The following RYR2 variants were observed in gnomAD, a reference collection of about 807,000 sequenced individuals.
RYR2 encodes the protein cardiac muscle ryanodine receptor-calcium release channel.
Under a neutral mutation model 601.1 loss-of-function variants are expected in RYR2, and 227 were observed. The observed-to-expected ratio is 0.38, with a 90% CI of 0.34 to 0.42. The LOEUF (loss-of-function observed/expected upper bound fraction) is 0.42. Ranked by LOEUF, RYR2 falls within the 10% of genes least tolerant of loss-of-function variation. The pLI is 1.00. For missense variants in RYR2, 4,646 were observed against 6,156.5 expected, an observed-to-expected ratio of 0.75 and a Z score of 8.21; for synonymous variants, 2,223 against 2,175.1, an observed-to-expected ratio of 1.02 and a Z score of -0.61.
intron 80 of RYR2, among the ~76,000 whole-genome samples, chr1:237,753,730 A>C (rs1162266566): frequency 6.6e-6 from 1 of 152,228 alleles, no homozygotes; most frequent in Non-Finnish European, 1.5e-5. Context: ...AGCCTTAGGC[A>C]GTTTAAGCAG....
At chr1:237,310,791 G>T (rs890739270) in intron 2 of RYR2, among the ~76,000 whole-genome samples, 2 of 152,058 alleles carry the variant, frequency 1.3e-5, no homozygotes, top group South Asian at 2.1e-4. Flanking sequence ...TCCAAAATAG[G>T]TAAGAAAGAA....
rs563473885 is a variant in RYR2 at position 237,331,687 on chromosome 1, T to C, written c.273+705T>C. On this transcript the variant is annotated intron_variant, in intron 3 of 104. Coordinates refer to ENST00000366574, the MANE Select transcript of RYR2 (RefSeq NM_001035.3). ...CACCTGGCTATTTTTTTTTTTTTTT[T>C]CTATTTTTAGTAGAGACGGGGTTTC... is the stretch of plus-strand genomic sequence containing the variant. Among the ~76,000 whole-genome samples the C allele has an allele frequency of 3.6e-5, 5 of 140,182 alleles. No individual in the cohort carries two copies. The East Asian group carries it at 6.2e-4, about 17-fold the overall frequency. 92.0% of individuals were successfully genotyped at this position (140,182 alleles called of 152,430 possible). A position where few individuals can be genotyped will look rare whatever the true frequency, so the allele number is the denominator to read the frequency against.
At chr1:237,573,889 C>T (rs541228304) in intron 29 of RYR2, among the ~76,000 whole-genome samples, 1 of 152,096 alleles carries the variant, frequency 6.6e-6, no homozygotes, top group East Asian at 2.0e-4. Flanking sequence ...ATAGGGACTG[C>T]AGCAGCCCTC....
At chr1:237,478,156 C>T (rs1327418704) in intron 17 of RYR2, among the ~76,000 whole-genome samples, 6 of 152,196 alleles carry the variant, frequency 3.9e-5, no homozygotes. Flanking sequence ...ACTGACTCAT[C>T]AGAAATGGCA....
chr1:237,561,332 A>T (rs1372247258), intron 27 of RYR2, among the ~76,000 whole-genome samples: 4 of 152,206 alleles, frequency 2.6e-5, no homozygotes, highest in African/African-American at 9.7e-5. Context: ...CATAGTAGGG[A>T]TGCAAGTGAT....
chr1:237,146,509 A>G (rs1395035794), intron 1 of RYR2, among the ~76,000 whole-genome samples: 1 of 152,200 alleles, frequency 6.6e-6, no homozygotes, highest in Non-Finnish European at 1.5e-5. Context: ...TGCTTGGAGT[A>G]AACAATTCCC....
intron 1 of RYR2, among the ~76,000 whole-genome samples, chr1:237,063,476 T>C (rs756738689): frequency 1.3e-5 from 2 of 152,236 alleles, no homozygotes; most frequent in Admixed American, 1.3e-4. Flanking sequence ...AGTATCTACC[T>C]TAAATGAATA....
At chr1:237,526,980 A>G (rs1667655674) in intron 24 of RYR2, among the ~76,000 whole-genome samples, 1 of 152,154 alleles carries the variant, frequency 6.6e-6, no homozygotes, top group East Asian at 1.9e-4. Context: ...ATTTTTGTAC[A>G]TGGTGAGAGA....
In RYR2 at chr1:237,423,815, T is replaced by C. The variant is rs530111149; in HGVS notation, c.1005+567T>C. Among the ~76,000 whole-genome samples the C allele has an allele frequency of 9.2e-5, 14 of 152,334 alleles. 1 individual carries two copies. The South Asian group carries it at 2.7e-3, about 29-fold the overall frequency. On this transcript the variant is annotated intron_variant, in intron 12 of 104. Transcript: ENST00000366574. ...TGAATCATTTTTATGATAATTGCTA[T>C]ATTCGTCCATTTTCACAGTGCTATA...
At chr1:237,608,463 G>A (rs1276397669) in intron 35 of RYR2, among the ~76,000 whole-genome samples, 1 of 152,130 alleles carries the variant, frequency 6.6e-6, no homozygotes, top group Non-Finnish European at 1.5e-5. Context: ...AGCACTTTGG[G>A]AGGAAGGAGG....
chr1:237,629,146 C>T (rs1168064575), intron 41 of RYR2, among the ~76,000 whole-genome samples: 2 of 152,116 alleles, frequency 1.3e-5, no homozygotes, highest in Non-Finnish European at 2.9e-5. Context: ...GAGTATACTA[C>T]TGATTTATAC....
intron 71 of RYR2, among the ~76,000 whole-genome samples, chr1:237,716,055 A>G (rs1186419807): frequency 2.6e-5 from 4 of 152,144 alleles, no homozygotes; most frequent in South Asian, 2.1e-4. Context: ...GAACAGAAGT[A>G]TAATTCTTAC....
intron 1 of RYR2, among the ~76,000 whole-genome samples, chr1:237,175,953 C>T (rs1162510509): frequency 6.6e-6 from 1 of 152,082 alleles, no homozygotes; most frequent in Non-Finnish European, 1.5e-5. Context: ...TTTTCTGGGC[C>T]AGGCGCGGTG....
At chr1:237,744,625 C>T (rs1410190513) in intron 80 of RYR2, among the ~76,000 whole-genome samples, 1 of 151,604 alleles carries the variant, frequency 6.6e-6, no homozygotes, top group African/African-American at 2.4e-5. Flanking sequence ...CATTGCACTC[C>T]AGCCTGGGCG....
At chr1:237,383,414 C>CTTTTTTTTTTTTTTTT (rs1558724426) in intron 8 of RYR2, among the ~76,000 whole-genome samples, 3 of 64,786 alleles carry the variant, frequency 4.6e-5, no homozygotes, top group Non-Finnish European at 6.8e-5. Context: ...TTTCTTTTTT[C>CTTTTTTTTTTTTTTTT]TTGTTTTTTT....
intron 41 of RYR2, among the ~76,000 whole-genome samples, chr1:237,628,907 C>A (rs973696004): frequency 6.6e-6 from 1 of 151,902 alleles, no homozygotes; most frequent in African/African-American, 2.4e-5. Flanking sequence ...GTAGGGGGAA[C>A]AAATTTTCTG....
chr1:237,638,166 T>G (rs1681072195), intron 44 of RYR2, among the ~76,000 whole-genome samples, 191 bp from the exon 45 acceptor site: 1 of 152,096 alleles, frequency 6.6e-6, no homozygotes, highest in Admixed American at 6.6e-5. Flanking sequence ...TTTATGACGA[T>G]ATTTAAATAT....
chr1:237,655,426 G>A (rs78292472), intron 52 of RYR2, among the ~76,000 whole-genome samples: 9,657 of 152,038 alleles, frequency 0.064, 463 homozygotes, highest in African/African-American at 0.13. Context: ...AGAATGTTAT[G>A]CTTTATGTTT....
chr1:237,784,648 G>A lies in RYR2; in HGVS notation c.12936G>A (p.Leu4312=), dbSNP rs2149355823. 2.5e-6 allele frequency: 4 copies of A among 1,613,484 alleles called. No individual in the cohort carries two copies. Among genetic ancestry groups the A allele is most frequent in the Middle Eastern group, 1.7e-4 (1 of 6,060 alleles). The change falls in exon 90 of 105, where the codon CTG becomes CTA. Residue 4312 remains leucine (L), a synonymous_variant. Transcript: ENST00000366574. This position sits in a 1 kb window ranked among gnomAD's most constrained non-coding sequence, Gnocchi z 7.1. The part of the protein sequence containing the change: ...FRGFFRIICS[L]LLGGSLVEGA... ...GCTTTTTCCGCATCATTTGCAGCCT[G>A]CTGCTTGGGGGAAGCCTCGTCGAAG...
Sources: gnomAD v4.1 joint callset for allele counts (sites outside exome capture counted in the v4.1 genomes callset) on GRCh38, gnomAD v4.1.1 for gene constraint, Gnocchi (gnomAD v3.1) non-coding constraint, MANE v1.5 for transcripts, NCBI Gene and HGNC (gene_info 2026-07-23, HGNC 2026-07-21) for gene names.